The following AFDN variants were observed in gnomAD, a reference collection of about 807,000 sequenced individuals.
AFDN encodes afadin, adherens junction formation factor.
Under a neutral mutation model 216.6 loss-of-function variants are expected in AFDN, and 68 were observed. The observed-to-expected ratio is 0.31, with a 90% CI of 0.26 to 0.38. The LOEUF is 0.38. AFDN is among the 10% of genes least tolerant of loss of function. The probability of loss-of-function intolerance (pLI) is 1.00; values close to 1 mark genes in which losing one functional copy is unlikely to be tolerated. For synonymous variants in AFDN, 868 were observed against 853.7 expected (o/e 1.02, Z -0.29); for missense variants, 2,136 against 2,342.0 (o/e 0.91, Z 1.82).
At chr6:167,884,622 G>T (rs991782694) in intron 6 of AFDN, among the ~76,000 whole-genome samples, 7 of 152,154 alleles carry the variant, frequency 4.6e-5, no homozygotes, top group African/African-American at 1.7e-4. Flanking sequence ...CTGAGCAGTA[G>T]GTCCCAACAG....
chr6:167,940,053 A>C (rs1339855554), intron 23 of AFDN, among the ~76,000 whole-genome samples: 1 of 152,260 alleles, frequency 6.6e-6, no homozygotes, highest in African/African-American at 2.4e-5. Flanking sequence ...TTCAAGGACC[A>C]CAGGTTGTAT....
chr6:167,830,365 T>G (rs1423518830), intron 1 of AFDN, among the ~76,000 whole-genome samples: 1 of 152,236 alleles, frequency 6.6e-6, no homozygotes, highest in East Asian at 1.9e-4. Flanking sequence ...TGGATAATTG[T>G]TCTGTATCTT....
At chr6:167,924,598 A>G (rs1330142582) in intron 22 of AFDN, among the ~76,000 whole-genome samples, 1 of 152,240 alleles carries the variant, frequency 6.6e-6, no homozygotes, top group Non-Finnish European at 1.5e-5. Context: ...CCCCGTGGAT[A>G]GTGTAAAATA....
intron 6 of AFDN, among the ~76,000 whole-genome samples, chr6:167,888,459 A>G (rs925354196): frequency 1.3e-5 from 2 of 152,180 alleles, no homozygotes; most frequent in Admixed American, 1.3e-4. Flanking sequence ...TCATGTTAGC[A>G]GTGTGTTAGA....
intron 5 of AFDN, among the ~76,000 whole-genome samples, chr6:167,878,290 A>G (rs2300081): frequency 0.077 from 11,719 of 152,128 alleles, 568 homozygotes; most frequent in Admixed American, 0.15. Flanking sequence ...AATCATATAG[A>G]TGTTACTGCA....
At chr6:167,928,857 C>A (rs908476439) in intron 23 of AFDN, among the ~76,000 whole-genome samples, 11 of 152,216 alleles carry the variant, frequency 7.2e-5, no homozygotes, top group African/African-American at 2.7e-4. Flanking sequence ...TTTGCATTTG[C>A]TCTTACACAA....
intron 6 of AFDN, among the ~76,000 whole-genome samples, chr6:167,883,109 C>T (rs1583272194): frequency 1.3e-5 from 2 of 151,208 alleles, no homozygotes; most frequent in South Asian, 2.1e-4. Context: ...ATGGAGTAGG[C>T]CAAGAAAGAG....
chr6:167,907,865 G>C (rs558525005), intron 13 of AFDN, among the ~76,000 whole-genome samples: 1 of 151,528 alleles, frequency 6.6e-6, no homozygotes, highest in Non-Finnish European at 1.5e-5. Flanking sequence ...GATTTTTAAC[G>C]TGTCACCTTA....
chr6:167,880,418 C>T lies in AFDN; in HGVS notation c.798C>T (p.Ile266=), dbSNP rs745451334. ...AACCAAATATTCCCTACAAGACAATCCTGCTGTCTACTACAGATCCTGCAG... is the reference window on the plus strand; with the variant it reads ...AACCAAATATTCCCTACAAGACAATTCTGCTGTCTACTACAGATCCTGCAG... The part of the protein sequence containing the change: ...SLKPNIPYKT[I]LLSTTDPADF... Residue 266 remains isoleucine (I), a synonymous_variant, in exon 6 of 34, where the codon ATC becomes ATT. Transcript: ENST00000683244. The T allele has an allele frequency of 1.9e-6, 3 of 1,613,574 alleles. No homozygotes were observed. Among genetic ancestry groups the T allele is most frequent in the South Asian group, 2.2e-5 (2 of 91,054 alleles).
At chr6:167,901,454 A>G (rs1299528813) in intron 11 of AFDN, among the ~76,000 whole-genome samples, 1 of 152,210 alleles carries the variant, frequency 6.6e-6, no homozygotes, top group African/African-American at 2.4e-5. Context: ...TTAGGTTTTC[A>G]AAGTGACATA....
At position 167,918,632 on chromosome 6, in the gene AFDN, G is replaced by A. The variant is rs1333926393; in HGVS notation, c.2710-103G>A. On this transcript the variant is annotated intron_variant, in intron 20 of 33. Transcript: ENST00000683244. ...TCTGTGTGTGTGTGTGTGTCTGTGA[G>A]ATAAGCTGTGCTGCAGTGAGCAGAC... 2.1e-5 allele frequency: 21 copies of A among 993,826 alleles called. No homozygotes were observed. In the Admixed American group the frequency reaches 3.9e-4, roughly 18 times the overall value. 61.6% of individuals were successfully genotyped at this position (993,826 alleles called of 1,614,324 possible).
At chr6:167,848,808 T>G (rs1444871520) in intron 1 of AFDN, among the ~76,000 whole-genome samples, 1 of 152,212 alleles carries the variant, frequency 6.6e-6, no homozygotes, top group African/African-American at 2.4e-5. Context: ...TCATCTAGCC[T>G]TTACTTCCCT....
At chr6:167,866,742 A>G (rs1293025134) in intron 2 of AFDN, among the ~76,000 whole-genome samples, 1 of 152,172 alleles carries the variant, frequency 6.6e-6, no homozygotes, top group African/African-American at 2.4e-5. Context: ...CTTTGTATGT[A>G]TGTGATGCCG....
At chr6:167,914,518 A>T in intron 17 of AFDN, 126 bp from the exon 18 acceptor site, 1 of 917,648 alleles carries the variant, frequency 1.1e-6, no homozygotes, top group Non-Finnish European at 1.6e-6. Flanking sequence ...CTATGTTTCA[A>T]GATTCCACAT....
chr6:167,864,980 A>G (rs1049326426), intron 2 of AFDN: 39 of 664,064 alleles, frequency 5.9e-5, no homozygotes, highest in Non-Finnish European at 8.9e-5. Flanking sequence ...TTAATTTTGC[A>G]TATGCTTATT....
At chr6:167,831,809 T>C (rs1419367388) in intron 1 of AFDN, among the ~76,000 whole-genome samples, 1 of 152,252 alleles carries the variant, frequency 6.6e-6, no homozygotes, top group African/African-American at 2.4e-5. Flanking sequence ...TATAAAGCAT[T>C]ATTTCTAGGT....
At chr6:167,907,327 A>G (rs777560215) in intron 13 of AFDN, 38 bp downstream of exon 13, 19 of 1,481,724 alleles carry the variant, frequency 1.3e-5, no homozygotes, top group South Asian at 2.3e-5. Flanking sequence ...GAAAGTACTG[A>G]AAGTATTCCT....
intron 1 of AFDN, chr6:167,828,048 A>C (rs912661287): frequency 1.3e-5 from 2 of 152,206 alleles, no homozygotes; most frequent in African/African-American, 2.4e-5. Context: ...AGGGAGGTGA[A>C]GGGTCGGGGA....
chr6:167,860,753 A>G (rs951447204), intron 1 of AFDN, among the ~76,000 whole-genome samples: 1 of 152,186 alleles, frequency 6.6e-6, no homozygotes, highest in Non-Finnish European at 1.5e-5. Context: ...GATGAGGTTG[A>G]TTAGGCACTG....
Sources: allele counts gnomAD v4.1 joint callset (sites outside exome capture counted in the v4.1 genomes callset), GRCh38; gene constraint gnomAD v4.1.1; transcripts MANE v1.5; gene names NCBI Gene and HGNC (gene_info 2026-07-23, HGNC 2026-07-21).